Variants in IGSF11 observed in about 807,000 individuals in gnomAD.
IGSF11 encodes immunoglobulin superfamily member 11.
A neutral mutation model predicts 41.0 loss-of-function variants in IGSF11; 22 were observed. That is an observed-to-expected ratio of 0.54 (90% CI 0.38 to 0.77). The LOEUF is 0.77. Ranked by LOEUF, IGSF11 falls within the 30% of genes least tolerant of loss-of-function variation. The probability of loss-of-function intolerance (pLI) is 0.00; values close to 1 mark genes in which losing one functional copy is unlikely to be tolerated. For missense variants in IGSF11, 444 were observed against 530.8 expected, an observed-to-expected ratio of 0.84 and a Z score of 1.61; for synonymous variants, 219 against 201.3, an observed-to-expected ratio of 1.09 and a Z score of -0.74.
intron 1 of IGSF11, among the ~76,000 whole-genome samples, chr3:119,044,081 G>T (rs750465864): frequency 6.6e-6 from 1 of 152,076 alleles, no homozygotes; most frequent in South Asian, 2.1e-4. Flanking sequence ...GCCAAATAAA[G>T]AATTCAGAAG....
At chr3:119,086,137 T>C (rs9878229) in intron 1 of IGSF11, among the ~76,000 whole-genome samples, 25,569 of 152,196 alleles carry the variant, frequency 0.17, 2,633 homozygotes, top group Non-Finnish European at 0.24. Flanking sequence ...TCCCTGCCTC[T>C]GGACCCTATT....
At chr3:119,116,226 C>T (rs1324858686) in intron 1 of IGSF11, among the ~76,000 whole-genome samples, 1 of 152,082 alleles carries the variant, frequency 6.6e-6, no homozygotes, top group Non-Finnish European at 1.5e-5. Context: ...CTGAACAGAA[C>T]AAAAAGGCAG....
chr3:119,118,290 T>A (rs1275506559), intron 1 of IGSF11, among the ~76,000 whole-genome samples: 1 of 152,234 alleles, frequency 6.6e-6, no homozygotes, highest in African/African-American at 2.4e-5. Context: ...TTTCCATACA[T>A]CCTCTGAAAT....
In IGSF11 at chr3:119,034,658, C is replaced by T; in HGVS notation, c.-76G>A. 6.8e-7 allele frequency: 1 copy of T among 1,476,200 alleles called. No individual in the cohort carries two copies. Among genetic ancestry groups the T allele is most frequent in the Non-Finnish European group, 9.0e-7 (1 of 1,106,994 alleles). 91.4% of individuals were successfully genotyped at this position (1,476,200 alleles called of 1,614,324 possible). On this transcript the variant is annotated 5_prime_UTR_variant, in exon 1 of 7. Coordinates refer to ENST00000393775, the MANE Select transcript of IGSF11 (RefSeq NM_001015887.3). ...CAGGAGAGGAGCGGGCGTGAGTCTC[C>T]GCGCTCTTGGGGCAGCCTGGTCCTC...
At chr3:118,992,112 T>C (rs1469039230) in intron 1 of IGSF11, among the ~76,000 whole-genome samples, 1 of 152,252 alleles carries the variant, frequency 6.6e-6, no homozygotes, top group African/African-American at 2.4e-5. Flanking sequence ...ATCAGTACTT[T>C]CCAGCAAGAA....
At chr3:119,060,686 A>G (rs1942026027) in intron 1 of IGSF11, among the ~76,000 whole-genome samples, 1 of 152,206 alleles carries the variant, frequency 6.6e-6, no homozygotes, top group African/African-American at 2.4e-5. Context: ...TAAAGCTTAG[A>G]AAGTAAAACT....
chr3:119,144,846 C>A (rs767308623), intron 1 of IGSF11, among the ~76,000 whole-genome samples: 1 of 151,980 alleles, frequency 6.6e-6, no homozygotes, highest in Admixed American at 6.6e-5. Context: ...TTTTTCTTTA[C>A]GCTTTCTTTT....
At chr3:119,051,771 C>G (rs528637968) in intron 1 of IGSF11, among the ~76,000 whole-genome samples, 3 of 152,224 alleles carry the variant, frequency 2.0e-5, no homozygotes, top group South Asian at 2.1e-4. Flanking sequence ...GAAATTATAT[C>G]AAGTATTCTC....
chr3:118,949,469 C>A (rs748006515), intron 1 of IGSF11, among the ~76,000 whole-genome samples: 6 of 152,104 alleles, frequency 3.9e-5, no homozygotes, highest in Non-Finnish European at 7.4e-5. Flanking sequence ...ACAAACACCA[C>A]TTCAAGAATA....
intron 4 of IGSF11, among the ~76,000 whole-genome samples, chr3:118,908,890 T>G (rs1297006381): frequency 1.3e-5 from 2 of 152,252 alleles, no homozygotes; most frequent in Non-Finnish European, 2.9e-5. Flanking sequence ...TTCTACCTAC[T>G]ACTGGTCATA....
At chr3:118,930,051 C>A in intron 2 of IGSF11, 61 bp downstream of exon 2, 1 of 1,520,640 alleles carries the variant, frequency 6.6e-7, no homozygotes, top group South Asian at 1.3e-5. Flanking sequence ...TGATGCTTCC[C>A]TACCAACCTC....
At chr3:119,105,395 A>G (rs1336318650), upstream of IGSF11, among the ~76,000 whole-genome samples, 1 of 152,206 alleles carries the variant, frequency 6.6e-6, no homozygotes, top group Non-Finnish European at 1.5e-5. Context: ...CTTTAATAGG[A>G]GAATGGATTA....
At chr3:119,105,894 C>T (rs538213854), upstream of IGSF11, among the ~76,000 whole-genome samples, 5 of 152,230 alleles carry the variant, frequency 3.3e-5, no homozygotes, top group South Asian at 1.0e-3. Context: ...TTAAATTATA[C>T]TTCTTTTCTT....
chr3:118,993,075 A>C (rs1576579264), intron 1 of IGSF11, among the ~76,000 whole-genome samples: 1 of 152,146 alleles, frequency 6.6e-6, no homozygotes, highest in East Asian at 1.9e-4. Context: ...AAAATTTAAA[A>C]ATTAGCTGGG....
intron 1 of IGSF11, among the ~76,000 whole-genome samples, chr3:119,048,034 A>G (rs545700390): frequency 4.6e-5 from 7 of 152,084 alleles, no homozygotes; most frequent in East Asian, 1.9e-4. Context: ...AAATGCCCAC[A>G]AGAGAAAGCA....
chr3:119,016,692 C>CACGTT (rs1393510464), intron 1 of IGSF11, among the ~76,000 whole-genome samples: 1 of 152,118 alleles, frequency 6.6e-6, no homozygotes, highest in African/African-American at 2.4e-5. Flanking sequence ...AAATTTAACC[C>CACGTT]ACGTTACTTC....
rs138026463 is a variant in IGSF11 at position 119,007,422 on chromosome 3, T to C, written c.52+27109A>G. Among the ~76,000 whole-genome samples the C allele has an allele frequency of 9.6e-3, 1,461 of 151,678 alleles. 31 individuals carry two copies. The highest frequency in any genetic ancestry group is 0.034 in the African/African-American group (1,404 of 41,182). ...GATGGAAATGCAGAAATCACCCGTC[T>C]TCTGCGTCGCTCACGCTGGGAGCTG... On this transcript the variant is annotated intron_variant, in intron 1 of 6. Coordinates refer to ENST00000393775, the MANE Select transcript of IGSF11 (RefSeq NM_001015887.3).
chr3:119,044,641 A>T (rs1941248320), intron 1 of IGSF11, among the ~76,000 whole-genome samples: 1 of 152,172 alleles, frequency 6.6e-6, no homozygotes, highest in African/African-American at 2.4e-5. Flanking sequence ...GAAGAAAAGA[A>T]TCTTAAGAGT....
intron 1 of IGSF11, among the ~76,000 whole-genome samples, chr3:119,085,365 A>G (rs1314650603): frequency 6.6e-6 from 1 of 152,156 alleles, no homozygotes; most frequent in East Asian, 1.9e-4. Flanking sequence ...CCCTCTGAAA[A>G]CTTCCATAAA....
Sources: gnomAD v4.1 joint callset for allele counts (sites outside exome capture counted in the v4.1 genomes callset) on GRCh38, gnomAD v4.1.1 for gene constraint, MANE v1.5 for transcripts, NCBI Gene and HGNC (gene_info 2026-07-23, HGNC 2026-07-21) for gene names.